Variants in SKAP2 observed in about 807,000 individuals in gnomAD.
SKAP2 encodes src kinase-associated phosphoprotein 2.
In SKAP2, 28 loss-of-function variants were observed where a neutral mutation model predicts 54.9. The ratio of observed to expected loss-of-function variants is 0.51; its 90% CI spans 0.38 to 0.70. The LOEUF (loss-of-function observed/expected upper bound fraction) is 0.70, where lower values mean the gene tolerates loss of function less well. Among genes scored for constraint, SKAP2 ranks in the 30% least tolerant of loss-of-function variants. The pLI is 0.00. For synonymous variants in SKAP2, 137 were observed against 134.3 expected (o/e 1.02, Z -0.14); for missense variants, 356 against 424.1 (o/e 0.84, Z 1.41).
intron 9 of SKAP2, among the ~76,000 whole-genome samples, chr7:26,698,108 C>G (rs750178214): frequency 1.3e-5 from 2 of 152,168 alleles, no homozygotes; most frequent in Non-Finnish European, 2.9e-5. Flanking sequence ...TCTGGAAAAA[C>G]AGCTGATATA....
intron 11 of SKAP2, among the ~76,000 whole-genome samples, chr7:26,684,291 G>A (rs983086006): frequency 7.2e-5 from 11 of 152,054 alleles, no homozygotes; most frequent in Admixed American, 5.9e-4. Flanking sequence ...TTAAATTGCC[G>A]GAACACCCAA....
At chr7:26,841,044 T>G (rs1443229969) in intron 4 of SKAP2, among the ~76,000 whole-genome samples, 1 of 152,090 alleles carries the variant, frequency 6.6e-6, no homozygotes, top group South Asian at 2.1e-4. Context: ...AATAAGGTAC[T>G]TTTTTCCAAT....
chr7:26,691,760 G>C (rs890612013), intron 9 of SKAP2, among the ~76,000 whole-genome samples: 5 of 152,202 alleles, frequency 3.3e-5, no homozygotes, highest in Non-Finnish European at 5.9e-5. Flanking sequence ...TTTAAATAAG[G>C]AGAGAGGATA....
Position 26,667,267 on chromosome 7 carries a change from A to G in SKAP2, c.*2399T>C, listed in dbSNP as rs576826741. 6 of 152,194 alleles carry G rather than the reference A, an allele frequency of 3.9e-5. No homozygotes were observed. Among genetic ancestry groups the G allele is most frequent in the Non-Finnish European group, 8.8e-5 (6 of 68,028 alleles). 9.4% of individuals were successfully genotyped at this position (152,194 alleles called of 1,614,324 possible). A position where few individuals can be genotyped will look rare whatever the true frequency, so the allele number is the denominator to read the frequency against. On this transcript the variant is annotated 3_prime_UTR_variant, in exon 13 of 13. Transcript: ENST00000345317. ...AGAAAAACAAATAAAAGCTAAGCAA[A>G]CATAATGAGACCATAGCAATTAGCA...
At chr7:26,801,973 T>C (rs778178318) in intron 4 of SKAP2, among the ~76,000 whole-genome samples, 21 of 151,930 alleles carry the variant, frequency 1.4e-4, no homozygotes, top group Non-Finnish European at 2.4e-4. Context: ...AAAATACCAA[T>C]GACATTCTTC....
chr7:26,811,570 T>C (rs1784146416), intron 4 of SKAP2, among the ~76,000 whole-genome samples: 1 of 152,206 alleles, frequency 6.6e-6, no homozygotes, highest in Non-Finnish European at 1.5e-5. Context: ...CACCATTTTG[T>C]ACATTACTTT....
the SKAP2 span, among the ~76,000 whole-genome samples, chr7:26,658,076 G>A: frequency 2.0e-5 from 3 of 152,140 alleles, no homozygotes; most frequent in African/African-American, 7.2e-5. Context: ...TACTGCAGTC[G>A]ACTTCAACAA....
At chr7:26,808,291 AG>A (rs1784070077) in intron 4 of SKAP2, among the ~76,000 whole-genome samples, 1 of 152,246 alleles carries the variant, frequency 6.6e-6, no homozygotes, top group Admixed American at 6.5e-5. Flanking sequence ...CTTTAAAAAA[AG>A]AATGAAATTC....
At chr7:26,783,544 T>C (rs147460992) in intron 4 of SKAP2, among the ~76,000 whole-genome samples, 91 of 152,174 alleles carry the variant, frequency 6.0e-4, no homozygotes, top group African/African-American at 2.2e-3. Flanking sequence ...AAGAGTGAGC[T>C]TAAGTACCAT....
chr7:26,836,960 G>A (rs56154570), intron 4 of SKAP2, among the ~76,000 whole-genome samples: 32,367 of 152,070 alleles, frequency 0.21, 3,531 homozygotes, highest in Non-Finnish European at 0.24. Context: ...GATAGACTGG[G>A]TAAAGAAAAT....
chr7:26,823,146 C>G (rs536504710), intron 4 of SKAP2, among the ~76,000 whole-genome samples: 6 of 152,170 alleles, frequency 3.9e-5, no homozygotes, highest in Admixed American at 3.9e-4. Context: ...AATAGCCTGG[C>G]CAGGTGTGGT....
At chr7:26,860,094 A>G (rs1430782230) in intron 1 of SKAP2, among the ~76,000 whole-genome samples, 1 of 152,218 alleles carries the variant, frequency 6.6e-6, no homozygotes, top group Non-Finnish European at 1.5e-5. Context: ...AATTTTTCAT[A>G]TAATGCTAAT....
chr7:26,676,190 T>C (rs191553704), intron 11 of SKAP2, among the ~76,000 whole-genome samples: 11 of 152,350 alleles, frequency 7.2e-5, no homozygotes, highest in Admixed American at 6.5e-4. Flanking sequence ...TCTTTTATTA[T>C]ATTTACTATG....
chr7:26,661,487 C>A, the SKAP2 span, among the ~76,000 whole-genome samples: 1 of 151,978 alleles, frequency 6.6e-6, no homozygotes, highest in Non-Finnish European at 1.5e-5. Context: ...ACAACATATA[C>A]CTAAAGACTA....
intron 2 of SKAP2, 52 bp downstream of exon 2, chr7:26,854,733 T>A: frequency 6.7e-7 from 1 of 1,499,254 alleles, no homozygotes. Flanking sequence ...AAATGTTAGT[T>A]ACAAAACTGC....
chr7:26,734,734 G>A (rs922470162), intron 6 of SKAP2, among the ~76,000 whole-genome samples: 6 of 152,116 alleles, frequency 3.9e-5, no homozygotes, highest in African/African-American at 1.4e-4. Flanking sequence ...TCACATGGCG[G>A]AAAGGCAAGA....
At chr7:26,671,450 T>C (rs576689984) in intron 11 of SKAP2, among the ~76,000 whole-genome samples, 3 of 152,182 alleles carry the variant, frequency 2.0e-5, no homozygotes, top group South Asian at 2.1e-4. Flanking sequence ...AGGAAAATTA[T>C]GCAATTCTTT....
chr7:26,844,082 A>G lies in SKAP2; in HGVS notation c.255T>C (p.Thr85=), dbSNP rs757722017. The change falls in exon 4 of 13, where the codon ACT becomes ACC. Residue 85 remains threonine, a synonymous_variant. Transcript: ENST00000345317. ...YDDPFAGPPD[T]ISLASERYDK... ...CATATCGTTCTGAGGCTAATGAAAT[A>G]GTGTCTGGAGGCCCAGCAAAAGGGT... 6.2e-7 allele frequency: 1 copy of G among 1,612,630 alleles called. No individual in the cohort carries two copies. The highest frequency in any genetic ancestry group is 8.5e-7 in the Non-Finnish European group (1 of 1,179,048).
the SKAP2 span, among the ~76,000 whole-genome samples, chr7:26,660,975 CA>C: frequency 1.3e-5 from 2 of 152,162 alleles, no homozygotes; most frequent in Admixed American, 1.3e-4. Flanking sequence ...ATGGAATCTT[CA>C]GCGACTCTGC....
Sources: gnomAD v4.1 joint callset for allele counts (sites outside exome capture counted in the v4.1 genomes callset) on GRCh38, gnomAD v4.1.1 for gene constraint, MANE v1.5 for transcripts, NCBI Gene and HGNC (gene_info 2026-07-23, HGNC 2026-07-21) for gene names.